Variants in USH2A observed in about 807,000 individuals in gnomAD.
USH2A encodes the protein usherin, also known as Usher syndrome 2A (autosomal recessive, mild).
Under a neutral mutation model 538.9 loss-of-function variants are expected in USH2A, and 443 were observed. The ratio of observed to expected loss-of-function variants is 0.82; its 90% CI spans 0.76 to 0.89. The LOEUF (loss-of-function observed/expected upper bound fraction) is 0.89. Among genes scored for constraint, USH2A ranks in the 40% least tolerant of loss-of-function variants. The pLI is 0.00. For synonymous variants in USH2A, 2,413 were observed against 2,273.5 expected, an observed-to-expected ratio of 1.06 and a Z score of -1.75; for missense variants, 6,633 against 6,324.8, an observed-to-expected ratio of 1.05 and a Z score of -1.65.
At chr1:216,017,577 A>T (rs1172087057) in intron 32 of USH2A, among the ~76,000 whole-genome samples, 1 of 152,216 alleles carries the variant, frequency 6.6e-6, no homozygotes, top group Non-Finnish European at 1.5e-5. Context: ...AATATATAAT[A>T]TCTTGTTAGG....
Position 216,422,396 on chromosome 1 carries a change from G to A in USH2A, c.-60C>T, listed in dbSNP as rs375409287. 7.5e-6 allele frequency: 12 copies of A among 1,607,884 alleles called. No homozygotes were observed. The highest frequency in any genetic ancestry group is 4.0e-5 in the African/African-American group (3 of 74,698). On this transcript the variant is annotated 5_prime_UTR_variant, in exon 2 of 72. Coordinates refer to ENST00000307340, the MANE Select transcript of USH2A (RefSeq NM_206933.4). ...TTTCTAAATAAATAATCAGGCCCAC[G>A]CCACTTGCCAGCAATACTTTGAAGC...
chr1:215,639,164 T>C lies in USH2A; in HGVS notation c.15043A>G (p.Thr5015Ala). Residue 5015 changes from threonine (T) to alanine (A), a missense_variant, in exon 69 of 72, where the codon ACT becomes GCT. Coordinates refer to ENST00000307340, the MANE Select transcript of USH2A (RefSeq NM_206933.4). The part of the protein sequence containing the change: ...KTPLIQYDTS[T>A]GLGLVLTTPG... Reference sequence around the variant, plus strand: ...AATATGAGTTGTTTACCAAGTCCAGTAGAGGTATCATATTGGATCAACGGC... The same window carrying C: ...AATATGAGTTGTTTACCAAGTCCAGCAGAGGTATCATATTGGATCAACGGC... 6.2e-7 allele frequency: 1 copy of C among 1,614,112 alleles called. No individual in the cohort carries two copies.
chr1:215,931,833 G>A (rs1666369940), intron 38 of USH2A, among the ~76,000 whole-genome samples: 1 of 151,888 alleles, frequency 6.6e-6, no homozygotes, highest in African/African-American at 2.4e-5. Flanking sequence ...AGATTAAACA[G>A]GCAATTTCAG....
chr1:215,965,432 C>T lies in USH2A; in HGVS notation c.7005G>A (p.Val2335=). 3.1e-6 allele frequency: 5 copies of T among 1,613,792 alleles called. No individual in the cohort carries two copies. The highest frequency in any genetic ancestry group is 4.2e-6 in the Non-Finnish European group (5 of 1,179,798). The change falls in exon 37 of 72, where the codon GTG becomes GTA. Residue 2335 remains valine (V), a synonymous_variant. Transcript: ENST00000307340. ...TCCGGGATCCCTGTGTTTTGACAAA[C>T]ACATTTACTGTTCCTTCAGGAGGAG... ...LEAPPEGTVN[V]FVKTQGSRKA...
At chr1:215,684,626 A>G (rs1337775223) in intron 61 of USH2A, among the ~76,000 whole-genome samples, 2 of 152,198 alleles carry the variant, frequency 1.3e-5, no homozygotes, top group Non-Finnish European at 2.9e-5. Flanking sequence ...AATGATGTAT[A>G]GGCACTCTTG....
chr1:216,087,909 C>T (rs1485463810), intron 23 of USH2A, among the ~76,000 whole-genome samples: 1 of 152,112 alleles, frequency 6.6e-6, no homozygotes, highest in Non-Finnish European at 1.5e-5. Context: ...TAGTGTGATC[C>T]TTTTAAAGAA....
rs577861870 is a variant in USH2A at position 215,991,676 on chromosome 1, CA to C, written c.6805+1343del. ...TGCTTGCAAATATACAAAACATACG[CA>C]AATACACAAAACATTCAAAGAGCTT... On this transcript the variant is annotated intron_variant, in intron 35 of 71. Transcript: ENST00000307340. Among the ~76,000 whole-genome samples, 173 of 152,268 alleles carry C rather than the reference CA, an allele frequency of 1.1e-3. 1 individual carries two copies. Among genetic ancestry groups the C allele is most frequent in the African/African-American group, 4.0e-3 (168 of 41,570 alleles).
At chr1:216,161,480 C>T (rs538630214) in intron 21 of USH2A, among the ~76,000 whole-genome samples, 34 of 152,122 alleles carry the variant, frequency 2.2e-4, no homozygotes, top group African/African-American at 7.7e-4. Context: ...ATATAGACCC[C>T]GTCATCATTT....
At chr1:216,260,619 A>T (rs1462592113) in intron 11 of USH2A, among the ~76,000 whole-genome samples, 1 of 152,192 alleles carries the variant, frequency 6.6e-6, no homozygotes, top group Non-Finnish European at 1.5e-5. Context: ...ATCATGAATT[A>T]GAGGTATTCC....
chr1:216,038,501 T>C (rs560771484), intron 32 of USH2A, among the ~76,000 whole-genome samples: 23 of 152,106 alleles, frequency 1.5e-4, no homozygotes, highest in Admixed American at 8.5e-4. Flanking sequence ...CCCCCTCCAC[T>C]TTCTTATTCT....
At chr1:216,384,409 A>G (rs920582557) in intron 3 of USH2A, among the ~76,000 whole-genome samples, 2 of 152,128 alleles carry the variant, frequency 1.3e-5, no homozygotes, top group Non-Finnish European at 2.9e-5. Context: ...ATAAGAATAC[A>G]CTCATACTAT....
chr1:216,024,584 T>G (rs528276296), intron 32 of USH2A, among the ~76,000 whole-genome samples: 11 of 152,202 alleles, frequency 7.2e-5, no homozygotes, highest in African/African-American at 2.6e-4. Flanking sequence ...CAACTAAATC[T>G]AAAACATATA....
At chr1:215,852,092 A>G (rs1664033531) in intron 44 of USH2A, among the ~76,000 whole-genome samples, 1 of 152,208 alleles carries the variant, frequency 6.6e-6, no homozygotes, top group Non-Finnish European at 1.5e-5. Context: ...CTGAATGGGG[A>G]AAAGTGGAAA....
At chr1:216,290,560 T>C (rs764560725) in intron 10 of USH2A, among the ~76,000 whole-genome samples, 6 of 152,188 alleles carry the variant, frequency 3.9e-5, no homozygotes, top group Non-Finnish European at 7.4e-5. Context: ...GAATCTGAAC[T>C]AAATAATACC....
chr1:215,996,101 G>T (rs1354686711), intron 34 of USH2A, among the ~76,000 whole-genome samples: 1 of 152,024 alleles, frequency 6.6e-6, no homozygotes, highest in Non-Finnish European at 1.5e-5. Context: ...AGTAGAGATG[G>T]GTTTTCGCCA....
intron 44 of USH2A, among the ~76,000 whole-genome samples, chr1:215,847,026 C>T (rs1344718173): frequency 6.6e-6 from 1 of 152,152 alleles, no homozygotes; most frequent in Non-Finnish European, 1.5e-5. Flanking sequence ...TTAAAAGATA[C>T]CAAAATCAAT....
intron 14 of USH2A, among the ~76,000 whole-genome samples, chr1:216,228,796 A>T (rs549210445): frequency 2.0e-5 from 3 of 152,320 alleles, no homozygotes; most frequent in Admixed American, 6.5e-5. Context: ...TAATTTTAAA[A>T]AGGTAATCTC....
Position 216,401,033 on chromosome 1 carries a change from A to C in USH2A, c.651+17481T>G, listed in dbSNP as rs539687668. ...GAATGAATAAAATTAGGGGGAAATA[A>C]GTTAGACTTTCCCTCTTATTAGTTT... On this transcript the variant is annotated intron_variant, in intron 3 of 71. Coordinates refer to ENST00000307340, the MANE Select transcript of USH2A (RefSeq NM_206933.4). 3.9e-3 allele frequency among the ~76,000 whole-genome samples: 601 copies of C among 152,236 alleles called. 1 individual carries two copies. Among genetic ancestry groups the C allele is most frequent in the African/African-American group, 0.014 (575 of 41,580 alleles).
intron 43 of USH2A, among the ~76,000 whole-genome samples, chr1:215,871,075 T>A (rs529213689): frequency 6.6e-6 from 1 of 152,314 alleles, no homozygotes; most frequent in African/African-American, 2.4e-5. Context: ...ATGTAGCCAG[T>A]AAAACCAATT....
Sources: gnomAD v4.1 joint callset for allele counts (sites outside exome capture counted in the v4.1 genomes callset) on GRCh38, gnomAD v4.1.1 for gene constraint, MANE v1.5 for transcripts, NCBI Gene and HGNC (gene_info 2026-07-23, HGNC 2026-07-21) for gene names.